PPL: variants seen among roughly 807,000 people sequenced by gnomAD.
PPL encodes periplakin, also known as 190 kDa paraneoplastic pemphigus antigen.
In PPL, 198 loss-of-function variants were observed where a neutral mutation model predicts 194.4. The ratio of observed to expected loss-of-function variants is 1.02; its 90% CI spans 0.91 to 1.15. The LOEUF (loss-of-function observed/expected upper bound fraction) is 1.15, where lower values mean the gene tolerates loss of function less well. Among genes scored for constraint, PPL ranks in the 50% most tolerant of loss-of-function variants. The probability of loss-of-function intolerance (pLI) is 0.00; values close to 1 mark genes in which losing one functional copy is unlikely to be tolerated. For missense variants in PPL, 2,885 were observed against 2,294.8 expected, an observed-to-expected ratio of 1.26 and a Z score of -5.25; for synonymous variants, 1,220 against 972.4, an observed-to-expected ratio of 1.25 and a Z score of -4.74.
intron 18 of PPL, among the ~76,000 whole-genome samples, chr16:4,889,262 T>G (rs1214918021): frequency 1.1e-4 from 14 of 130,152 alleles, no homozygotes; most frequent in African/African-American, 4.1e-4. Flanking sequence ...TTTTTTTTTT[T>G]TTTTTTTTTT....
chr16:4,934,568 G>A (rs2089268541), intron 1 of PPL, among the ~76,000 whole-genome samples: 4 of 152,240 alleles, frequency 2.6e-5, no homozygotes, highest in Admixed American at 2.0e-4. Flanking sequence ...CAACAGTGAG[G>A]CATTCTGCTC....
intron 1 of PPL, among the ~76,000 whole-genome samples, chr16:4,916,723 T>C (rs1160845972): frequency 6.6e-6 from 1 of 152,070 alleles, no homozygotes; most frequent in Admixed American, 6.5e-5. Context: ...CCAGCTGGTC[T>C]TGAACCCCTG....
intron 21 of PPL, 45 bp downstream of exon 21, chr16:4,887,090 C>G (rs537383422): frequency 7.0e-7 from 1 of 1,437,234 alleles, no homozygotes; most frequent in South Asian, 1.1e-5. Context: ...TATTTGTCAC[C>G]TGTTAGAACA....
intron 16 of PPL, 66 bp downstream of exon 16, chr16:4,891,745 G>C (rs2088322475): frequency 6.5e-7 from 1 of 1,528,484 alleles, no homozygotes; most frequent in Non-Finnish European, 8.8e-7. Flanking sequence ...CAGACGGGCG[G>C]GTGGATGTGC....
At chr16:4,925,376 T>C (rs1026499460) in intron 1 of PPL, among the ~76,000 whole-genome samples, 6 of 152,082 alleles carry the variant, frequency 3.9e-5, no homozygotes, top group African/African-American at 9.7e-5. Context: ...AGGAAATAAC[T>C]GATGAATAGT....
intron 2 of PPL, among the ~76,000 whole-genome samples, chr16:4,907,925 G>T (rs367814127): frequency 2.6e-5 from 4 of 152,076 alleles, no homozygotes; most frequent in South Asian, 2.1e-4. Context: ...GGAGGCCGAG[G>T]TGGGCAGATC....
intron 1 of PPL, among the ~76,000 whole-genome samples, chr16:4,922,913 G>A (rs1165745717): frequency 3.3e-5 from 5 of 152,180 alleles, no homozygotes; most frequent in Admixed American, 2.0e-4. Flanking sequence ...GGAGAGGCTG[G>A]TGCCCATATA....
chr16:4,913,514 A>G (rs1012794001), intron 1 of PPL, among the ~76,000 whole-genome samples: 9 of 152,216 alleles, frequency 5.9e-5, no homozygotes, highest in African/African-American at 2.2e-4. Flanking sequence ...TTTAGTTGTC[A>G]AGGAGCCTTA....
intron 1 of PPL, among the ~76,000 whole-genome samples, chr16:4,921,847 C>G (rs1223682249): frequency 6.6e-6 from 1 of 151,078 alleles, no homozygotes; most frequent in Non-Finnish European, 1.5e-5. Flanking sequence ...AGAGCTGGGA[C>G]TCGAACCTAG....
At chr16:4,924,723 C>A (rs1462273184) in intron 1 of PPL, among the ~76,000 whole-genome samples, 3 of 152,140 alleles carry the variant, frequency 2.0e-5, no homozygotes, top group African/African-American at 7.2e-5. Context: ...AAGACCGCAG[C>A]AAGACACCCT....
chr16:4,887,526 C>T (rs568296287), intron 20 of PPL, among the ~76,000 whole-genome samples: 2 of 152,338 alleles, frequency 1.3e-5, no homozygotes, highest in East Asian at 3.9e-4. Context: ...CAGCCCTCCA[C>T]TGTACTTACT....
At chr16:4,886,233 T>TC (rs58991920) in intron 21 of PPL, among the ~76,000 whole-genome samples, 186 bp from the exon 22 acceptor site, 1 of 152,100 alleles carries the variant, frequency 6.6e-6, no homozygotes, top group African/African-American at 2.4e-5. Flanking sequence ...GGGTTTTTTT[T>TC]AATCAGGTAA....
At chr16:4,929,995 T>C (rs1435254840) in intron 1 of PPL, among the ~76,000 whole-genome samples, 1 of 152,148 alleles carries the variant, frequency 6.6e-6, no homozygotes, top group Non-Finnish European at 1.5e-5. Flanking sequence ...CCCTAAGCTT[T>C]CCAATACATA....
chr16:4,915,925 C>T (rs746743561), intron 1 of PPL, among the ~76,000 whole-genome samples: 12 of 152,158 alleles, frequency 7.9e-5, no homozygotes, highest in African/African-American at 1.2e-4. Context: ...TTCCATGTGA[C>T]GATCTTACAG....
intron 1 of PPL, among the ~76,000 whole-genome samples, chr16:4,926,492 G>A (rs1236599846): frequency 6.6e-6 from 1 of 152,096 alleles, no homozygotes; most frequent in Admixed American, 6.6e-5. Flanking sequence ...GACAACAGAA[G>A]GCCCTCTCCC....
At chr16:4,890,478 G>C in intron 17 of PPL, 144 bp from the exon 18 acceptor site, 1 of 1,160,922 alleles carries the variant, frequency 8.6e-7, no homozygotes, top group Non-Finnish European at 1.2e-6. Flanking sequence ...GTGGTCATTA[G>C]GGAACGTCAG....
chr16:4,914,426 G>C (rs2088879586), intron 1 of PPL, among the ~76,000 whole-genome samples: 2 of 152,206 alleles, frequency 1.3e-5, no homozygotes, highest in Non-Finnish European at 2.9e-5. Flanking sequence ...GTTGATGTTG[G>C]GGGCATTGGG....
chr16:4,913,427 A>G (rs1222812074), intron 1 of PPL, among the ~76,000 whole-genome samples: 1 of 152,170 alleles, frequency 6.6e-6, no homozygotes, highest in Non-Finnish European at 1.5e-5. Flanking sequence ...AGGGGTTATG[A>G]ATGGAAGTGA....
chr16:4,887,252 C>G (rs763425599), intron 20 of PPL, 25 bp from the exon 21 acceptor site: 3 of 1,569,166 alleles, frequency 1.9e-6, no homozygotes, highest in Non-Finnish European at 2.6e-6. Flanking sequence ...ATTAGGAGAG[C>G]GGTCAACAAA....
Sources: allele counts gnomAD v4.1 joint callset (sites outside exome capture counted in the v4.1 genomes callset), GRCh38; gene constraint gnomAD v4.1.1; transcripts MANE v1.5; gene names NCBI Gene and HGNC (gene_info 2026-07-23, HGNC 2026-07-21).